The following GRM5 variants were observed in gnomAD, a reference collection of about 807,000 sequenced individuals.
The protein encoded by GRM5 is glutamate metabotropic receptor 5, also known as metabotropic glutamate receptor 5.
Under a neutral mutation model 83.1 loss-of-function variants are expected in GRM5, and 19 were observed. The ratio of observed to expected loss-of-function variants is 0.23; its 90% CI spans 0.16 to 0.34. The LOEUF is 0.34. Among genes scored for constraint, GRM5 ranks in the 10% least tolerant of loss-of-function variants. The probability of loss-of-function intolerance (pLI) is 1.00; values close to 1 mark genes in which losing one functional copy is unlikely to be tolerated. For synonymous variants in GRM5, 675 were observed against 633.6 expected (o/e 1.07, Z -0.98); for missense variants, 1,160 against 1,588.3 (o/e 0.73, Z 4.58).
intron 4 of GRM5, among the ~76,000 whole-genome samples, chr11:88,650,436 T>C (rs1236446440): frequency 1.3e-5 from 2 of 151,900 alleles, no homozygotes; most frequent in African/African-American, 4.8e-5. Context: ...TCCAAAAACA[T>C]GAAAAGGAGC....
At chr11:88,795,115 T>C (rs1943252069) in intron 3 of GRM5, among the ~76,000 whole-genome samples, 1 of 152,254 alleles carries the variant, frequency 6.6e-6, no homozygotes, top group South Asian at 2.1e-4. Context: ...ATTCCCATTA[T>C]ATGAACATGA....
At chr11:88,863,414 T>C (rs1169477485) in intron 2 of GRM5, among the ~76,000 whole-genome samples, 2 of 152,048 alleles carry the variant, frequency 1.3e-5, no homozygotes, top group African/African-American at 4.8e-5. Flanking sequence ...ATATACACCA[T>C]GGAATATTAT....
Position 88,541,326 on chromosome 11 carries a change from T to C in GRM5, c.2631-15922A>G, listed in dbSNP as rs542731844. 5.6e-4 allele frequency among the ~76,000 whole-genome samples: 85 copies of C among 152,342 alleles called. 1 individual carries two copies. The Middle Eastern group carries it at 0.02, about 37-fold the overall frequency. On this transcript the variant is annotated intron_variant, in intron 8 of 9. Coordinates refer to ENST00000305447, the MANE Select transcript of GRM5 (RefSeq NM_001143831.3). ...CTAGGTCCTAAGCTAGGAGTTTCAT[T>C]GTGATCTGTTATAGATATTAGGAAT... is the stretch of plus-strand genomic sequence containing the variant.
chr11:88,757,172 TC>T (rs1290476918), intron 3 of GRM5, among the ~76,000 whole-genome samples: 1 of 152,096 alleles, frequency 6.6e-6, no homozygotes, highest in African/African-American at 2.4e-5. Context: ...AACCGATCTG[TC>T]AAATGAGAAT....
chr11:88,902,823 C>T (rs142586430), intron 2 of GRM5, among the ~76,000 whole-genome samples: 1,869 of 151,606 alleles, frequency 0.012, 43 homozygotes, highest in African/African-American at 0.043. Context: ...TGGTGGTATG[C>T]GCCTGTGGTA....
chr11:88,569,407 A>G (rs1942938929), intron 7 of GRM5, among the ~76,000 whole-genome samples: 1 of 152,244 alleles, frequency 6.6e-6, no homozygotes, highest in Non-Finnish European at 1.5e-5. Context: ...CTTCATTCTC[A>G]GCAATAGACC....
At chr11:88,734,636 T>A (rs181348045) in intron 3 of GRM5, among the ~76,000 whole-genome samples, 90 of 152,216 alleles carry the variant, frequency 5.9e-4, no homozygotes, top group African/African-American at 2.0e-3. Context: ...TAAATTCTCT[T>A]GGTTACAGTT....
At chr11:88,656,564 T>C (rs1939771828) in intron 3 of GRM5, among the ~76,000 whole-genome samples, 1 of 152,132 alleles carries the variant, frequency 6.6e-6, no homozygotes, top group Non-Finnish European at 1.5e-5. Context: ...TACTACAAAC[T>C]TACAGTATCT....
At chr11:88,727,598 C>G (rs1941712778) in intron 3 of GRM5, among the ~76,000 whole-genome samples, 1 of 152,134 alleles carries the variant, frequency 6.6e-6, no homozygotes, top group South Asian at 2.1e-4. Flanking sequence ...TTCTCAGCAC[C>G]ACATCACACT....
At chr11:88,511,284 C>T (rs186821684) in intron 9 of GRM5, among the ~76,000 whole-genome samples, 5 of 152,288 alleles carry the variant, frequency 3.3e-5, no homozygotes, top group Non-Finnish European at 2.9e-5. Flanking sequence ...GGGGCTGGGG[C>T]GTGTACCTCA....
intron 2 of GRM5, among the ~76,000 whole-genome samples, chr11:88,900,310 C>A (rs1277573933): frequency 6.6e-6 from 1 of 152,168 alleles, no homozygotes; most frequent in African/African-American, 2.4e-5. Context: ...ACAAGCACTC[C>A]TATCATGACC....
intron 3 of GRM5, among the ~76,000 whole-genome samples, chr11:88,727,109 G>C (rs1018777094): frequency 6.6e-6 from 1 of 152,176 alleles, no homozygotes; most frequent in African/African-American, 2.4e-5. Flanking sequence ...TGGATAAAGA[G>C]TCAAGACCCA....
chr11:89,005,297 T>C (rs1176663960), intron 2 of GRM5, among the ~76,000 whole-genome samples: 2 of 152,202 alleles, frequency 1.3e-5, no homozygotes, highest in African/African-American at 4.8e-5. Context: ...CATTGTGTAA[T>C]AAAAGCAGGC....
chr11:88,926,677 C>A (rs1184758051), intron 2 of GRM5, among the ~76,000 whole-genome samples: 1 of 152,044 alleles, frequency 6.6e-6, no homozygotes, highest in African/African-American at 2.4e-5. Flanking sequence ...ATTTGTTTTC[C>A]CAGATCTTAC....
chr11:88,849,861 A>C (rs2135539955), intron 3 of GRM5, 45 bp downstream of exon 3: 1 of 1,592,402 alleles, frequency 6.3e-7, no homozygotes, highest in Non-Finnish European at 8.6e-7. Context: ...AGTGCTGCCA[A>C]ATTCCTGGTA....
At chr11:88,987,426 T>G (rs7482675) in intron 2 of GRM5, among the ~76,000 whole-genome samples, 1 of 147,598 alleles carries the variant, frequency 6.8e-6, no homozygotes, top group Non-Finnish European at 1.5e-5. Context: ...GGCAGCGAGG[T>G]TGGGGGAGGG....
chr11:88,624,226 T>C (rs1379030577), intron 4 of GRM5, among the ~76,000 whole-genome samples: 1 of 152,226 alleles, frequency 6.6e-6, no homozygotes, highest in Non-Finnish European at 1.5e-5. Context: ...AGTTCACTAC[T>C]GGCTTCTCCT....
intron 2 of GRM5, among the ~76,000 whole-genome samples, chr11:88,883,755 C>T (rs948301443): frequency 3.3e-5 from 5 of 152,060 alleles, no homozygotes; most frequent in African/African-American, 1.2e-4. Context: ...ACCCCAGGGC[C>T]CACTTGCTGT....
rs185773861 is a variant in GRM5 at position 88,905,351 on chromosome 11, T to C, written c.662-55196A>G. On this transcript the variant is annotated intron_variant, in intron 2 of 9. Coordinates refer to ENST00000305447, the MANE Select transcript of GRM5 (RefSeq NM_001143831.3). ...TTCATTAATTCATTCATTTATTCATTTACTTATTTTGAGACGGAGTCTTGC... is the reference window on the plus strand; with the variant it reads ...TTCATTAATTCATTCATTTATTCATCTACTTATTTTGAGACGGAGTCTTGC... Among the ~76,000 whole-genome samples, 91 of 152,304 alleles carry C rather than the reference T, an allele frequency of 6.0e-4. No individual in the cohort carries two copies. In the East Asian group the frequency reaches 0.015, roughly 25 times the overall value.
Sources: gnomAD v4.1 joint callset for allele counts (sites outside exome capture counted in the v4.1 genomes callset) on GRCh38, gnomAD v4.1.1 for gene constraint, MANE v1.5 for transcripts, NCBI Gene and HGNC (gene_info 2026-07-23, HGNC 2026-07-21) for gene names.